LYPLA1: variants seen among roughly 807,000 people sequenced by gnomAD.
The protein encoded by LYPLA1 is acyl-protein thioesterase 1.
In LYPLA1, 17 loss-of-function variants were observed where a neutral mutation model predicts 34.0. The observed-to-expected ratio is 0.50, with a 90% confidence interval of 0.34 to 0.75. The LOEUF (loss-of-function observed/expected upper bound fraction) is 0.75, where lower values mean the gene tolerates loss of function less well. Ranked by LOEUF, LYPLA1 falls within the 30% of genes least tolerant of loss-of-function variation. LYPLA1 has a pLI of 0.01. For missense variants in LYPLA1, 203 were observed against 288.8 expected (o/e 0.70, Z 2.15); for synonymous variants, 98 against 100.8 (o/e 0.97, Z 0.17).
chr8:54,043,849 C>T (rs1805425029), downstream of LYPLA1, among the ~76,000 whole-genome samples: 1 of 152,110 alleles, frequency 6.6e-6, no homozygotes, highest in Non-Finnish European at 1.5e-5. Flanking sequence ...GTGTGAGCCA[C>T]CACACCCGGC....
At chr8:54,060,673 A>T (rs1295810984) in intron 5 of LYPLA1, among the ~76,000 whole-genome samples, 3 of 150,972 alleles carry the variant, frequency 2.0e-5, no homozygotes, top group Non-Finnish European at 4.4e-5. Context: ...CACTAACATT[A>T]ACAACTTTTT....
intron 2 of LYPLA1, among the ~76,000 whole-genome samples, chr8:54,092,776 G>A (rs1016298646): frequency 6.6e-6 from 1 of 152,144 alleles, no homozygotes; most frequent in Admixed American, 6.5e-5. Flanking sequence ...GAGCTCAGGA[G>A]TTTGAGACCA....
intron 3 of LYPLA1, 88 bp from the exon 4 acceptor site, chr8:54,063,463 A>G: frequency 1.2e-6 from 1 of 803,980 alleles, no homozygotes; most frequent in African/African-American, 1.8e-5. Context: ...TAATTGCTTG[A>G]GACCTACACA....
intron 2 of LYPLA1, among the ~76,000 whole-genome samples, chr8:54,071,825 A>T (rs1004149763): frequency 6.6e-6 from 1 of 152,210 alleles, no homozygotes; most frequent in Non-Finnish European, 1.5e-5. Context: ...CAATCTACAG[A>T]TTCAATGCTA....
chr8:54,056,478 A>G (rs916280660), intron 5 of LYPLA1, among the ~76,000 whole-genome samples: 3 of 152,222 alleles, frequency 2.0e-5, no homozygotes, highest in Non-Finnish European at 4.4e-5. Flanking sequence ...CTGCACAGCA[A>G]AGGATACAAT....
chr8:54,044,372 C>T (rs1236963076), downstream of LYPLA1, among the ~76,000 whole-genome samples: 1 of 152,086 alleles, frequency 6.6e-6, no homozygotes, highest in Non-Finnish European at 1.5e-5. Flanking sequence ...CTTCCAGGTG[C>T]CTGAGAGTAA....
chr8:54,063,283 A>G, intron 4 of LYPLA1, 45 bp downstream of exon 4: 2 of 1,196,974 alleles, frequency 1.7e-6, no homozygotes, highest in Middle Eastern at 2.8e-4. Flanking sequence ...ATAACATTAA[A>G]TAAGTAATAT....
intron 5 of LYPLA1, among the ~76,000 whole-genome samples, chr8:54,055,799 A>G (rs1176236423): frequency 1.3e-5 from 2 of 152,016 alleles, no homozygotes; most frequent in African/African-American, 4.8e-5. Context: ...GCCCACCACC[A>G]TGCCCGGCTA....
chr8:54,075,265 T>G (rs1179427737), intron 2 of LYPLA1, among the ~76,000 whole-genome samples: 1 of 152,204 alleles, frequency 6.6e-6, no homozygotes, highest in Non-Finnish European at 1.5e-5. Context: ...GGTGGAGAGA[T>G]CCGATTACAA....
rs550613480 is a variant in LYPLA1 at position 54,099,541 on chromosome 8, G to C, written c.101+1367C>G. Among the ~76,000 whole-genome samples, 317 of 152,254 alleles carry C rather than the reference G, an allele frequency of 2.1e-3. 1 individual carries two copies. The highest frequency in any genetic ancestry group is 7.2e-3 in the African/African-American group (300 of 41,548). On this transcript the variant is annotated intron_variant, in intron 2 of 8. Transcript: ENST00000316963. The stretch of plus-strand genomic sequence containing the variant: ...AAAAATACAAAAATTAGCTGGCATG[G>C]TGGCAAGCAACTGTAGTCCCAGCTA...
chr8:54,079,432 G>A (rs1319202619), intron 2 of LYPLA1, among the ~76,000 whole-genome samples: 3 of 152,168 alleles, frequency 2.0e-5, no homozygotes, highest in Non-Finnish European at 4.4e-5. Context: ...CGTGGGCCCA[G>A]AGTAGACATT....
intron 2 of LYPLA1, among the ~76,000 whole-genome samples, chr8:54,087,497 C>T (rs1808893161): frequency 1.3e-5 from 2 of 152,204 alleles, no homozygotes; most frequent in South Asian, 4.1e-4. Flanking sequence ...AATACTCTGT[C>T]TGAAACAAAC....
In LYPLA1 at chr8:54,101,874, G is replaced by C. The variant is rs759321383; in HGVS notation, c.-51C>G. On this transcript the variant is annotated 5_prime_UTR_variant, in exon 1 of 9. Coordinates refer to ENST00000316963, the MANE Select transcript of LYPLA1 (RefSeq NM_006330.4). The stretch of plus-strand genomic sequence containing the variant: ...CGGAAGGAAGAGCGGGCGCCCGGCC[G>C]CGGCCCAAGGGCGTGCGAGCGGCGA... 8.8e-7 allele frequency: 1 copy of C among 1,137,904 alleles called. No homozygotes were observed. The highest frequency in any genetic ancestry group is 3.7e-5 in the East Asian group (1 of 26,954). 70.5% of individuals were successfully genotyped at this position (1,137,904 alleles called of 1,614,324 possible).
chr8:54,084,030 T>C (rs966931045), intron 2 of LYPLA1, among the ~76,000 whole-genome samples: 1 of 150,576 alleles, frequency 6.6e-6, no homozygotes, highest in Admixed American at 6.6e-5. Flanking sequence ...CCCAGCTACT[T>C]GGGAGGCTGA....
chr8:54,079,800 G>GAAATAAAT (rs569962405), intron 2 of LYPLA1, among the ~76,000 whole-genome samples: 1 of 151,308 alleles, frequency 6.6e-6, no homozygotes, highest in Non-Finnish European at 1.5e-5. Flanking sequence ...GTTTCCCCCT[G>GAAATAAAT]AAATAAATAA....
Position 54,101,938 on chromosome 8 carries a change from G to T in LYPLA1, c.-115C>A. 1 of 402,278 alleles carries T rather than the reference G, an allele frequency of 2.5e-6. No homozygotes were observed. The highest frequency in any genetic ancestry group is 3.6e-6 in the Non-Finnish European group (1 of 279,074). The allele number at this position is 402,278 out of a possible 1,614,324, so 24.9% of individuals were successfully genotyped here. A position where few individuals can be genotyped will look rare whatever the true frequency, so the allele number is the denominator to read the frequency against. Reference sequence around the variant, plus strand: ...CCACCGGGCGCACGCTCAGGCGCGTGCGCGCCAACGCGGCCCCGCGCTACC... The same window carrying T: ...CCACCGGGCGCACGCTCAGGCGCGTTCGCGCCAACGCGGCCCCGCGCTACC... On this transcript the variant is annotated 5_prime_UTR_variant, in exon 1 of 9. Coordinates refer to ENST00000316963, the MANE Select transcript of LYPLA1 (RefSeq NM_006330.4).
intron 2 of LYPLA1, among the ~76,000 whole-genome samples, chr8:54,068,642 G>C (rs942501941): frequency 6.6e-6 from 1 of 152,174 alleles, no homozygotes; most frequent in African/African-American, 2.4e-5. Flanking sequence ...ATATCCACAT[G>C]TAATACAAAG....
intron 2 of LYPLA1, among the ~76,000 whole-genome samples, chr8:54,077,206 C>A (rs1167159894): frequency 6.6e-6 from 1 of 151,970 alleles, no homozygotes; most frequent in African/African-American, 2.4e-5. Flanking sequence ...ATGGATGGAA[C>A]TGGAGGCCAT....
chr8:54,043,857 G>A (rs1299353654), downstream of LYPLA1, among the ~76,000 whole-genome samples: 1 of 151,944 alleles, frequency 6.6e-6, no homozygotes, highest in Non-Finnish European at 1.5e-5. Flanking sequence ...CACCACACCC[G>A]GCCTCAAATC....
Sources: allele counts gnomAD v4.1 joint callset (sites outside exome capture counted in the v4.1 genomes callset), GRCh38; gene constraint gnomAD v4.1.1; transcripts MANE v1.5; gene names NCBI Gene and HGNC (gene_info 2026-07-23, HGNC 2026-07-21).